Variants in SNTG1 observed in about 807,000 individuals in gnomAD.
SNTG1 encodes the protein gamma-1-syntrophin.
SNTG1 carries 39 observed loss-of-function variants against 74.7 expected under a neutral mutation model. The ratio of observed to expected loss-of-function variants is 0.52; its 90% CI spans 0.40 to 0.68. The LOEUF (loss-of-function observed/expected upper bound fraction) is 0.68. SNTG1 is among the 30% of genes least tolerant of loss of function. The pLI is 0.00. For synonymous variants in SNTG1, 254 were observed against 217.1 expected, an observed-to-expected ratio of 1.17 and a Z score of -1.49; for missense variants, 685 against 609.5, an observed-to-expected ratio of 1.12 and a Z score of -1.30.
intron 13 of SNTG1, among the ~76,000 whole-genome samples, chr8:50,615,997 T>A (rs2094883140): frequency 6.6e-6 from 1 of 152,198 alleles, no homozygotes; most frequent in Admixed American, 6.5e-5. Context: ...GAGGCAGAAT[T>A]CCTGTATTAA....
chr8:50,317,091 C>A (rs1442941098), intron 2 of SNTG1, among the ~76,000 whole-genome samples: 2 of 152,108 alleles, frequency 1.3e-5, no homozygotes, highest in Non-Finnish European at 2.9e-5. Context: ...ATTGGAGGTG[C>A]TTTTGATAAA....
intron 13 of SNTG1, among the ~76,000 whole-genome samples, chr8:50,645,172 C>A (rs977755576): frequency 2.0e-3 from 13 of 6,432 alleles, no homozygotes; most frequent in Non-Finnish European, 3.4e-3. Flanking sequence ...CTATAATGAA[C>A]CTTGAAACAT....
At chr8:50,765,316 T>C (rs960259791) in intron 18 of SNTG1, among the ~76,000 whole-genome samples, 11 of 151,996 alleles carry the variant, frequency 7.2e-5, no homozygotes, top group African/African-American at 2.7e-4. Context: ...CCCTCTCAGG[T>C]CACGTGGCTA....
intron 2 of SNTG1, among the ~76,000 whole-genome samples, chr8:50,301,829 T>A (rs1334934758): frequency 2.0e-5 from 3 of 149,730 alleles, no homozygotes; most frequent in Admixed American, 6.8e-5. Flanking sequence ...TGCTCTGTTT[T>A]GTTTTTGTTT....
chr8:50,058,734 TTGTGTGTGTGTG>T (rs71235777), intron 1 of SNTG1, among the ~76,000 whole-genome samples: 101 of 145,760 alleles, frequency 6.9e-4, no homozygotes, highest in Non-Finnish European at 1.3e-3. Context: ...TTACTTACAT[TTGTGTGTGTGTG>T]TGTGTGTGTG....
intron 18 of SNTG1, among the ~76,000 whole-genome samples, chr8:50,781,305 G>A: frequency 6.6e-6 from 1 of 152,118 alleles, no homozygotes; most frequent in Non-Finnish European, 1.5e-5. Context: ...ACAGTGGGGT[G>A]TTAAAGTCTC....
intron 4 of SNTG1, among the ~76,000 whole-genome samples, chr8:50,402,739 T>A (rs2092822949): frequency 6.6e-6 from 1 of 152,190 alleles, no homozygotes. Context: ...ACCTTCAGCA[T>A]CACTGAATCA....
chr8:49,943,509 G>A (rs1808884435), intron 1 of SNTG1, among the ~76,000 whole-genome samples: 1 of 152,226 alleles, frequency 6.6e-6, no homozygotes, highest in Non-Finnish European at 1.5e-5. Context: ...CTAGGAGAAT[G>A]GATTTAGGAT....
chr8:50,308,505 A>T (rs1240124628), intron 2 of SNTG1, among the ~76,000 whole-genome samples: 2 of 152,042 alleles, frequency 1.3e-5, no homozygotes, highest in Non-Finnish European at 2.9e-5. Flanking sequence ...TTAATATTTT[A>T]TGTATAAACC....
At chr8:50,110,276 C>A (rs1214647862) in intron 1 of SNTG1, among the ~76,000 whole-genome samples, 1 of 152,132 alleles carries the variant, frequency 6.6e-6, no homozygotes, top group East Asian at 1.9e-4. Context: ...TCATATCTAG[C>A]ATGGATGCTT....
chr8:50,617,515 C>A (rs931471900), intron 13 of SNTG1, among the ~76,000 whole-genome samples: 1 of 152,098 alleles, frequency 6.6e-6, no homozygotes, highest in Non-Finnish European at 1.5e-5. Context: ...AATCTTGTTG[C>A]CCTTTCTTCA....
At chr8:50,689,791 T>C (rs187768683) in intron 15 of SNTG1, among the ~76,000 whole-genome samples, 2 of 152,304 alleles carry the variant, frequency 1.3e-5, no homozygotes, top group Admixed American at 1.3e-4. Flanking sequence ...TTCCCTCTTT[T>C]TCTATTGATT....
intron 1 of SNTG1, among the ~76,000 whole-genome samples, chr8:49,917,679 C>T (rs993351075): frequency 6.6e-6 from 1 of 152,194 alleles, no homozygotes; most frequent in African/African-American, 2.4e-5. Context: ...TCCAAACATA[C>T]TATCCTCATC....
chr8:50,653,911 G>C (rs1429232618), intron 13 of SNTG1, among the ~76,000 whole-genome samples: 1 of 152,138 alleles, frequency 6.6e-6, no homozygotes, highest in Non-Finnish European at 1.5e-5. Context: ...TTACAGGAGA[G>C]TAAATGTGGA....
intron 18 of SNTG1, among the ~76,000 whole-genome samples, chr8:50,786,582 C>T (rs2095675974): frequency 6.6e-6 from 1 of 151,730 alleles, no homozygotes; most frequent in Admixed American, 6.6e-5. Flanking sequence ...CCCCCAGTTC[C>T]ATATTTCAAA....
chr8:50,617,507 T>A (rs1450147034), intron 13 of SNTG1, among the ~76,000 whole-genome samples: 2 of 152,006 alleles, frequency 1.3e-5, no homozygotes, highest in Non-Finnish European at 2.9e-5. Flanking sequence ...GAAACAGAAA[T>A]CTTGTTGCCC....
upstream of SNTG1, among the ~76,000 whole-genome samples, chr8:49,910,237 C>A (rs1246145152): frequency 6.6e-6 from 1 of 152,162 alleles, no homozygotes; most frequent in African/African-American, 2.4e-5. Context: ...CAGGAGCAGG[C>A]GTCCGGCCCC....
In SNTG1 at chr8:50,415,159, T is replaced by A. The variant is rs574829644; in HGVS notation, c.162+12815T>A. ...AAATTTTTCGTGAGTGAACAAATGTTGTTTAAATGCAAAGGAGTTTCATTA... is the reference window on the plus strand; with the variant it reads ...AAATTTTTCGTGAGTGAACAAATGTAGTTTAAATGCAAAGGAGTTTCATTA... On this transcript the variant is annotated intron_variant, in intron 4 of 18. Transcript: ENST00000642720. Among the ~76,000 whole-genome samples, 18 of 152,322 alleles carry A rather than the reference T, an allele frequency of 1.2e-4. 1 individual carries two copies. The highest frequency in any genetic ancestry group is 4.1e-4 in the African/African-American group (17 of 41,578).
chr8:50,760,651 A>G (rs1464942277), intron 18 of SNTG1, among the ~76,000 whole-genome samples: 1 of 151,988 alleles, frequency 6.6e-6, no homozygotes, highest in Non-Finnish European at 1.5e-5. Flanking sequence ...AAGTAAAGAG[A>G]GAAGAATCAA....
Sources: allele counts gnomAD v4.1 joint callset (sites outside exome capture counted in the v4.1 genomes callset), GRCh38; gene constraint gnomAD v4.1.1; transcripts MANE v1.5; gene names NCBI Gene and HGNC (gene_info 2026-07-23, HGNC 2026-07-21).